MGAT5: variants seen among roughly 807,000 people sequenced by gnomAD.
MGAT5 encodes the protein alpha-1,6-mannosylglycoprotein 6-beta-N-acetylglucosaminyltransferase A.
Under a neutral mutation model 94.3 loss-of-function variants are expected in MGAT5, and 30 were observed. That is an observed-to-expected ratio of 0.32 (90% CI 0.24 to 0.43). The LOEUF is 0.43. MGAT5 is among the 20% of genes least tolerant of loss of function. The pLI, the probability that MGAT5 is intolerant of heterozygous loss-of-function variation, is 1.00. For synonymous variants in MGAT5, 310 were observed against 322.9 expected (o/e 0.96, Z 0.43); for missense variants, 691 against 905.5 (o/e 0.76, Z 3.04).
At chr2:134,172,665 T>A (rs12691863) in intron 1 of MGAT5, among the ~76,000 whole-genome samples, 6 of 152,068 alleles carry the variant, frequency 3.9e-5, no homozygotes, top group Non-Finnish European at 7.4e-5. Context: ...GGATTACAGG[T>A]GTGAGCCACC....
intron 12 of MGAT5, among the ~76,000 whole-genome samples, chr2:134,414,767 C>T (rs59778348): frequency 0.17 from 25,898 of 152,124 alleles, 2,514 homozygotes; most frequent in African/African-American, 0.27. Flanking sequence ...CATATCCCCA[C>T]GCACCAGTCT....
At position 134,450,673 on chromosome 2, in the gene MGAT5, A is replaced by C. The variant is rs1338719189; in HGVS notation, c.*1826A>C. 6.6e-6 allele frequency: 1 copy of C among 152,060 alleles called. No individual in the cohort carries two copies. The highest frequency in any genetic ancestry group is 1.5e-5 in the Non-Finnish European group (1 of 68,066). The allele number at this position is 152,060 out of a possible 1,614,324, so 9.4% of individuals were successfully genotyped here. ...ATCTGCCAGGTAGAGTACCATGGGG[A>C]GGCCTCTGCCCTGAGCATCATCACA... is the stretch of plus-strand genomic sequence containing the variant. On this transcript the variant is annotated 3_prime_UTR_variant, in exon 16 of 16. Transcript: ENST00000281923.
At position 134,347,179 on chromosome 2, in the gene MGAT5, A is replaced by G. The variant is rs151070520; in HGVS notation, c.1112+2115A>G. Among the ~76,000 whole-genome samples, 778 of 152,338 alleles carry G rather than the reference A, an allele frequency of 5.1e-3. 4 individuals are homozygous for G. Among genetic ancestry groups the G allele is most frequent in the African/African-American group, 0.018 (747 of 41,584 alleles). On this transcript the variant is annotated intron_variant, in intron 8 of 15. Transcript: ENST00000281923. Reference sequence around the variant, plus strand: ...AGGATGTGATTGAAGAAGGAAAACTATAATGTCAAACCTTCCATGTCATAG... The same window carrying G: ...AGGATGTGATTGAAGAAGGAAAACTGTAATGTCAAACCTTCCATGTCATAG...
chr2:134,216,872 A>C (rs1680523772), intron 1 of MGAT5, among the ~76,000 whole-genome samples: 1 of 152,212 alleles, frequency 6.6e-6, no homozygotes, highest in Non-Finnish European at 1.5e-5. Context: ...AGCCATAGGA[A>C]TAGATTGGCG....
At chr2:134,413,400 G>C (rs931296342) in intron 12 of MGAT5, among the ~76,000 whole-genome samples, 3 of 152,206 alleles carry the variant, frequency 2.0e-5, no homozygotes, top group African/African-American at 7.2e-5. Flanking sequence ...TGGGCTGTGG[G>C]AGTTTTCAAA....
intron 4 of MGAT5, among the ~76,000 whole-genome samples, chr2:134,335,074 A>G (rs756791534): frequency 6.6e-6 from 1 of 152,160 alleles, no homozygotes; most frequent in Non-Finnish European, 1.5e-5. Context: ...AATCAGGCCA[A>G]TTACTTTGGT....
chr2:134,401,106 T>C (rs1296772790), intron 10 of MGAT5, among the ~76,000 whole-genome samples: 1 of 151,598 alleles, frequency 6.6e-6, no homozygotes, highest in African/African-American at 2.4e-5. Flanking sequence ...TTTTTCTAGC[T>C]CTGTGTCATG....
chr2:134,398,047 AGAG>A (rs1682818478), intron 10 of MGAT5, among the ~76,000 whole-genome samples: 1 of 152,216 alleles, frequency 6.6e-6, no homozygotes, highest in African/African-American at 2.4e-5. Context: ...TTGTGGGGAA[AGAG>A]GAGGAGCTGC....
intron 1 of MGAT5, among the ~76,000 whole-genome samples, chr2:134,184,360 T>G (rs1286044483): frequency 6.6e-6 from 1 of 152,176 alleles, no homozygotes; most frequent in Non-Finnish European, 1.5e-5. Context: ...CCTGCCTGTC[T>G]TTACATTCCA....
intron 2 of MGAT5, among the ~76,000 whole-genome samples, chr2:134,281,949 T>G (rs1468919406): frequency 6.6e-6 from 1 of 152,216 alleles, no homozygotes; most frequent in Non-Finnish European, 1.5e-5. Flanking sequence ...AGAAGCTGTA[T>G]CTGATGGTAT....
chr2:134,313,192 G>A lies in MGAT5; in HGVS notation c.407-4337G>A, dbSNP rs141431208. Among the ~76,000 whole-genome samples, 5 of 152,134 alleles carry A rather than the reference G, an allele frequency of 3.3e-5. No individual in the cohort carries two copies. The East Asian group carries it at 9.7e-4, about 29-fold the overall frequency. On this transcript the variant is annotated intron_variant, in intron 2 of 15. Coordinates refer to ENST00000281923, the MANE Select transcript of MGAT5 (RefSeq NM_002410.5). ...TACACGTCTCTCTCGATACGTGTGT[G>A]TCTGTTGGGACTGTCAGGGAGAATC...
intron 10 of MGAT5, among the ~76,000 whole-genome samples, chr2:134,368,282 C>T (rs751812305): frequency 6.6e-6 from 1 of 152,256 alleles, no homozygotes; most frequent in African/African-American, 2.4e-5. Context: ...TGGCTGCCCA[C>T]CGCAGGATCG....
chr2:134,431,426 C>T (rs1349140514), intron 14 of MGAT5, among the ~76,000 whole-genome samples: 1 of 152,156 alleles, frequency 6.6e-6, no homozygotes, highest in East Asian at 1.9e-4. Context: ...GAATGTTCCT[C>T]TGATGCCAGA....
At chr2:134,144,655 C>T (rs914816409) in intron 1 of MGAT5, among the ~76,000 whole-genome samples, 1 of 152,052 alleles carries the variant, frequency 6.6e-6, no homozygotes, top group African/African-American at 2.4e-5. Context: ...ATTTTCTTCC[C>T]TAAAAAGTAA....
At chr2:134,156,419 T>C (rs1394973764) in intron 1 of MGAT5, among the ~76,000 whole-genome samples, 1 of 152,058 alleles carries the variant, frequency 6.6e-6, no homozygotes, top group Admixed American at 6.6e-5. Flanking sequence ...CTGTGTGAGG[T>C]TGTTAACGAC....
intron 1 of MGAT5, among the ~76,000 whole-genome samples, chr2:134,177,470 G>A (rs1388871159): frequency 2.0e-5 from 3 of 152,154 alleles, no homozygotes; most frequent in African/African-American, 4.8e-5. Flanking sequence ...ACAGTCACCT[G>A]GTCACCCCTG....
chr2:134,199,589 C>T (rs1256843409), intron 1 of MGAT5, among the ~76,000 whole-genome samples: 1 of 151,806 alleles, frequency 6.6e-6, no homozygotes, highest in African/African-American at 2.4e-5. Context: ...GCTTAGAAAA[C>T]AGTGATCTTT....
rs1228289831 is a variant in MGAT5 at position 134,196,630 on chromosome 2, T to A, written c.-142-57632T>A. Among the ~76,000 whole-genome samples the A allele has an allele frequency of 2.0e-5, 3 of 152,346 alleles. No homozygotes were observed. In the East Asian group the frequency reaches 5.8e-4, roughly 29 times the overall value. On this transcript the variant is annotated intron_variant, in intron 1 of 16. Transcript: ENST00000409645. ...AGTCGATGCTTGTAAGTGACATGGATCTTTAGCTCCGCTTTTATAGTTTAG... is the reference window on the plus strand; with the variant it reads ...AGTCGATGCTTGTAAGTGACATGGAACTTTAGCTCCGCTTTTATAGTTTAG...
rs556811927 is a variant in MGAT5, at chr2:134,334,991, G to A, written c.574-1226G>A. On this transcript the variant is annotated intron_variant, in intron 4 of 15. Transcript: ENST00000281923. Reference sequence around the variant, plus strand: ...TTCACTTTTCCTATTCAGAGATTCCGCCCTCTCCCCAAGCTTTGCTTCTCT... The same window carrying A: ...TTCACTTTTCCTATTCAGAGATTCCACCCTCTCCCCAAGCTTTGCTTCTCT... Among the ~76,000 whole-genome samples, 7 of 152,178 alleles carry A rather than the reference G, an allele frequency of 4.6e-5. No homozygotes were observed. In the South Asian group the frequency reaches 1.0e-3, roughly 23 times the overall value.
Sources: gnomAD v4.1 joint callset for allele counts (sites outside exome capture counted in the v4.1 genomes callset) on GRCh38, gnomAD v4.1.1 for gene constraint, MANE v1.5 for transcripts, NCBI Gene and HGNC (gene_info 2026-07-23, HGNC 2026-07-21) for gene names.